The following STRN3 variants were observed in gnomAD, a reference collection of about 807,000 sequenced individuals.
The protein encoded by STRN3 is striatin 3.
A neutral mutation model predicts 95.6 loss-of-function variants in STRN3; 29 were observed. The observed-to-expected ratio is 0.30, with a 90% confidence interval of 0.23 to 0.41. The LOEUF is 0.41. Ranked by LOEUF, STRN3 falls within the 10% of genes least tolerant of loss-of-function variation. STRN3 has a pLI of 1.00. For missense variants in STRN3, 890 were observed against 972.1 expected (o/e 0.92, Z 1.12); for synonymous variants, 331 against 357.6 (o/e 0.93, Z 0.84).
chr14:30,896,044 C>A (rs937478515), intron 16 of STRN3, among the ~76,000 whole-genome samples: 1 of 152,154 alleles, frequency 6.6e-6, no homozygotes, highest in African/African-American at 2.4e-5. Flanking sequence ...CCCCTCCAAC[C>A]CCTGACCACT....
intron 8 of STRN3, 21 bp downstream of exon 8, chr14:30,929,180 A>T (rs1399469520): frequency 1.3e-6 from 2 of 1,560,954 alleles, no homozygotes; most frequent in South Asian, 2.4e-5. Flanking sequence ...AAAAATTATA[A>T]TAGTCAGAAT....
intron 12 of STRN3, among the ~76,000 whole-genome samples, chr14:30,911,416 C>CTCA (rs1224451546): frequency 6.6e-6 from 1 of 151,562 alleles, no homozygotes; most frequent in Non-Finnish European, 1.5e-5. Context: ...ATTCTCCTGC[C>CTCA]TCAGCCTACT....
intron 1 of STRN3, among the ~76,000 whole-genome samples, chr14:31,023,826 A>G (rs922397542): frequency 2.3e-3 from 97 of 41,386 alleles, no homozygotes; most frequent in Non-Finnish European, 3.2e-3. Flanking sequence ...TTTTAAATAT[A>G]TAACTCAAAA....
intron 16 of STRN3, among the ~76,000 whole-genome samples, chr14:30,898,789 G>T (rs137960456): frequency 2.4e-4 from 36 of 152,246 alleles, no homozygotes; most frequent in Admixed American, 6.5e-4. Context: ...ATAAAGGCTG[G>T]ACAGATGCCA....
intron 1 of STRN3, among the ~76,000 whole-genome samples, chr14:30,959,923 A>G (rs764507472): frequency 6.6e-6 from 1 of 152,252 alleles, no homozygotes; most frequent in African/African-American, 2.4e-5. Flanking sequence ...TACTGTAAAA[A>G]TATCAATTTT....
intron 9 of STRN3, among the ~76,000 whole-genome samples, chr14:30,915,075 C>T (rs1376173385): frequency 2.0e-5 from 3 of 152,128 alleles, no homozygotes; most frequent in Middle Eastern, 3.4e-3. Context: ...TAATATAAAA[C>T]TCAATATATC....
Position 30,947,097 on chromosome 14 carries a change from T to A in STRN3, c.709A>T (p.Ile237Leu). The A allele has an allele frequency of 6.3e-7, 1 of 1,591,982 alleles. No homozygotes were observed. Among genetic ancestry groups the A allele is most frequent in the Non-Finnish European group, 8.5e-7 (1 of 1,172,118 alleles). ...GTTAAGTATAAATCATACCTTTTTA[T>A]TTCTTGTCCCTTTTGCTTAGGAGAT... is the stretch of plus-strand genomic sequence containing the variant. ...GESPKQKGQE[I>L]KRSSGDVLET... Residue 237 changes from isoleucine to leucine, a missense_variant, in exon 5 of 18, where the codon ATA (isoleucine) becomes TTA (leucine). Ile to Leu is a conservative substitution (Grantham distance 5). Transcript: ENST00000357479.
chr14:30,912,318 T>C (rs1896632049), intron 10 of STRN3, 136 bp from the exon 11 acceptor site: 2 of 739,738 alleles, frequency 2.7e-6, no homozygotes, highest in Admixed American at 3.2e-5. Context: ...GGAAATTTAA[T>C]GTACCTTTAA....
Position 31,026,354 on chromosome 14 carries a change from C to T in STRN3, c.-169G>A. ...GGTCAGAGCAGGGAGCTGCCGGCTG[C>T]CGCCATTACAATCCCTCCTCCATCT... is the stretch of plus-strand genomic sequence containing the variant. On this transcript the variant is annotated 5_prime_UTR_variant, in exon 1 of 18. Coordinates refer to ENST00000357479, the MANE Select transcript of STRN3 (RefSeq NM_001083893.2). The T allele has an allele frequency of 1.7e-6, 1 of 596,848 alleles. No individual in the cohort carries two copies. The highest frequency in any genetic ancestry group is 2.6e-6 in the Non-Finnish European group (1 of 390,268). The allele number at this position is 596,848 out of a possible 1,614,324, so 37.0% of individuals were successfully genotyped here.
At chr14:30,900,787 G>A (rs998346445) in intron 16 of STRN3, among the ~76,000 whole-genome samples, 2 of 151,398 alleles carry the variant, frequency 1.3e-5, no homozygotes, top group African/African-American at 2.4e-5. Context: ...ATTATTTGGA[G>A]CCTACTGCTT....
intron 3 of STRN3, among the ~76,000 whole-genome samples, chr14:30,953,299 A>G (rs558394690): frequency 1.3e-5 from 2 of 152,304 alleles, no homozygotes; most frequent in East Asian, 3.9e-4. Flanking sequence ...TGTGCCCTCC[A>G]GTCACTAGCC....
At chr14:30,991,939 A>G (rs1038465782) in intron 1 of STRN3, among the ~76,000 whole-genome samples, 2 of 151,656 alleles carry the variant, frequency 1.3e-5, no homozygotes, top group Admixed American at 1.3e-4. Flanking sequence ...AAAAAAAAAA[A>G]AAGTAAAAAC....
At chr14:31,006,947 G>A (rs1252153451) in intron 1 of STRN3, among the ~76,000 whole-genome samples, 1 of 148,260 alleles carries the variant, frequency 6.7e-6, no homozygotes, top group African/African-American at 2.5e-5. Flanking sequence ...TCTGAATGGC[G>A]ACTGCACTCC....
In STRN3 at chr14:30,896,831, G is replaced by A. The variant is rs114427375; in HGVS notation, c.2138-1083C>T. On this transcript the variant is annotated intron_variant, in intron 16 of 17. Transcript: ENST00000357479. The stretch of plus-strand genomic sequence containing the variant: ...ACTGCTCTGGAAAATGTGACTTAAT[G>A]AGTATCTTCAGTGAAGATTTGGCAA... Among the ~76,000 whole-genome samples the A allele has an allele frequency of 5.4e-3, 818 of 152,274 alleles. 7 individuals carry two copies. Among genetic ancestry groups the A allele is most frequent in the African/African-American group, 0.019 (772 of 41,552 alleles).
intron 1 of STRN3, among the ~76,000 whole-genome samples, chr14:31,001,380 T>C (rs1236856624): frequency 6.6e-6 from 1 of 151,772 alleles, no homozygotes; most frequent in African/African-American, 2.4e-5. Context: ...CAAAAAAATT[T>C]AAAAATTTTG....
chr14:30,936,367 T>C, intron 6 of STRN3, 128 bp downstream of exon 6: 1 of 1,088,060 alleles, frequency 9.2e-7, no homozygotes, highest in African/African-American at 1.6e-5. Flanking sequence ...GCTGACCACA[T>C]AAAACTTTTA....
intron 1 of STRN3, among the ~76,000 whole-genome samples, chr14:31,001,268 G>A (rs179698): frequency 0.63 from 95,193 of 151,904 alleles, 30,778 homozygotes; most frequent in Non-Finnish European, 0.72. Flanking sequence ...AAATGCAGTG[G>A]CTCACTCCTG....
chr14:30,984,527 T>C (rs1411391941), intron 1 of STRN3, among the ~76,000 whole-genome samples: 1 of 152,076 alleles, frequency 6.6e-6, no homozygotes, highest in African/African-American at 2.4e-5. Flanking sequence ...GGATAGCAAC[T>C]ATAGCACTTT....
intron 3 of STRN3, among the ~76,000 whole-genome samples, chr14:30,954,616 T>C (rs112340178): frequency 6.6e-5 from 10 of 152,294 alleles, no homozygotes; most frequent in African/African-American, 1.9e-4. Context: ...GTAAAGAAAA[T>C]ACTTGGTTGG....
Sources: gnomAD v4.1 joint callset for allele counts (sites outside exome capture counted in the v4.1 genomes callset) on GRCh38, gnomAD v4.1.1 for gene constraint, MANE v1.5 for transcripts, NCBI Gene and HGNC (gene_info 2026-07-23, HGNC 2026-07-21) for gene names.